The following RAB38 variants were observed in gnomAD, a reference collection of about 807,000 sequenced individuals.
The protein encoded by RAB38 is RAB38, member RAS oncogene family, also known as ras-related protein Rab-38.
RAB38 carries 15 observed loss-of-function variants against 18.4 expected under a neutral mutation model. That is an observed-to-expected ratio of 0.82 (90% CI 0.55 to 1.26). The LOEUF (loss-of-function observed/expected upper bound fraction) is 1.26, where lower values mean the gene tolerates loss of function less well. RAB38 is among the 50% of genes most tolerant of loss of function. The pLI, the probability that RAB38 is intolerant of heterozygous loss-of-function variation, is 0.00. For missense variants in RAB38, 294 were observed against 267.4 expected (o/e 1.10, Z -0.69); for synonymous variants, 101 against 104.4 (o/e 0.97, Z 0.20).
the RAB38 span, among the ~76,000 whole-genome samples, chr11:87,882,499 T>G: frequency 1.3e-5 from 2 of 151,910 alleles, no homozygotes; most frequent in East Asian, 2.0e-4. Context: ...AGAACCACTC[T>G]AGTAGGTAAT....
At chr11:87,857,648 T>C in the RAB38 span, among the ~76,000 whole-genome samples, 4 of 152,142 alleles carry the variant, frequency 2.6e-5, no homozygotes, top group African/African-American at 9.6e-5. Context: ...GTCTTTTGGC[T>C]GCATAAATGT....
chr11:88,026,931 A>G, the RAB38 span, among the ~76,000 whole-genome samples: 2 of 152,184 alleles, frequency 1.3e-5, no homozygotes, highest in African/African-American at 4.8e-5. Context: ...GACATTTTAC[A>G]TAATTGGCCT....
At chr11:87,948,851 T>A in the RAB38 span, among the ~76,000 whole-genome samples, 4 of 151,890 alleles carry the variant, frequency 2.6e-5, no homozygotes, top group African/African-American at 9.7e-5. Flanking sequence ...TCTAAAATTC[T>A]TTTTTTGTTG....
At chr11:88,064,911 G>A in the RAB38 span, among the ~76,000 whole-genome samples, 1 of 152,074 alleles carries the variant, frequency 6.6e-6, no homozygotes, top group African/African-American at 2.4e-5. Context: ...TGGTCACATG[G>A]TGCTTACAAT....
At chr11:88,083,534 CGAT>C in the RAB38 span, among the ~76,000 whole-genome samples, 2 of 151,666 alleles carry the variant, frequency 1.3e-5, no homozygotes, top group East Asian at 3.9e-4. Context: ...TTATTTCTCC[CGAT>C]GATAATATAA....
the RAB38 span, among the ~76,000 whole-genome samples, chr11:87,828,252 C>T: frequency 0.059 from 8,944 of 151,968 alleles, 366 homozygotes; most frequent in Non-Finnish European, 0.084. Context: ...AAAACTATTG[C>T]GTTATGTTTA....
chr11:87,945,665 G>A, the RAB38 span, among the ~76,000 whole-genome samples: 3 of 152,130 alleles, frequency 2.0e-5, no homozygotes, highest in African/African-American at 7.2e-5. Flanking sequence ...AGCTTAAAAT[G>A]CCTTGGAAAT....
At chr11:87,947,740 G>A in the RAB38 span, among the ~76,000 whole-genome samples, 6 of 152,228 alleles carry the variant, frequency 3.9e-5, no homozygotes, top group East Asian at 3.9e-4. Context: ...TGTTCCATTG[G>A]TCTATATCTC....
the RAB38 span, among the ~76,000 whole-genome samples, chr11:87,910,407 CT>C: frequency 0.078 from 11,785 of 151,406 alleles, 1,125 homozygotes; most frequent in African/African-American, 0.23. Context: ...CCTAGTCTGC[CT>C]TTTTTTTCAT....
the RAB38 span, among the ~76,000 whole-genome samples, chr11:87,963,514 G>A: frequency 6.6e-6 from 1 of 151,970 alleles, no homozygotes; most frequent in Admixed American, 6.6e-5. Flanking sequence ...ACACTCAAAA[G>A]TCTATGCAAC....
At chr11:88,102,232 T>C in the RAB38 span, among the ~76,000 whole-genome samples, 2 of 151,962 alleles carry the variant, frequency 1.3e-5, no homozygotes, top group Non-Finnish European at 2.9e-5. Context: ...TCCAATACCA[T>C]AGCTTCAATA....
chr11:88,167,697 T>C (rs1943261620), intron 1 of RAB38: 1 of 152,148 alleles, frequency 6.6e-6, no homozygotes, highest in Non-Finnish European at 1.5e-5. Context: ...CAAAGAGTAA[T>C]TTAAGATCAC....
chr11:88,026,011 C>T, the RAB38 span, among the ~76,000 whole-genome samples: 1 of 152,038 alleles, frequency 6.6e-6, no homozygotes, highest in Non-Finnish European at 1.5e-5. Context: ...TGTCGCCAGG[C>T]TGGAGTGCAA....
At chr11:88,114,689 G>A (rs973681213) in intron 2 of RAB38, among the ~76,000 whole-genome samples, 2 of 152,188 alleles carry the variant, frequency 1.3e-5, no homozygotes, top group African/African-American at 4.8e-5. Context: ...AATGTGAGAA[G>A]TAATGTGTGT....
At chr11:88,166,019 G>A (rs1216442987) in intron 1 of RAB38, 1 of 152,070 alleles carries the variant, frequency 6.6e-6, no homozygotes, top group Non-Finnish European at 1.5e-5. Context: ...TAGAGGAGCT[G>A]CCTTTTCAGA....
the RAB38 span, among the ~76,000 whole-genome samples, chr11:88,040,703 A>AAACAACAACAACAAC: frequency 6.7e-6 from 1 of 149,038 alleles, no homozygotes; most frequent in Non-Finnish European, 1.5e-5. Context: ...ACCCTGTCTC[A>AAACAACAACAACAAC]AACAACAACA....
chr11:88,062,484 A>G, the RAB38 span, among the ~76,000 whole-genome samples: 1 of 152,226 alleles, frequency 6.6e-6, no homozygotes, highest in South Asian at 2.1e-4. Context: ...ACGGACTAAT[A>G]CAAATACTGT....
chr11:87,968,262 G>C, the RAB38 span, among the ~76,000 whole-genome samples: 1 of 152,162 alleles, frequency 6.6e-6, no homozygotes, highest in Non-Finnish European at 1.5e-5. Flanking sequence ...CAGTAAGGGA[G>C]TAAAATCTGG....
chr11:88,072,894 G>T, the RAB38 span, among the ~76,000 whole-genome samples: 2 of 152,108 alleles, frequency 1.3e-5, no homozygotes, highest in African/African-American at 2.4e-5. Flanking sequence ...CAGCACTAAG[G>T]TTATAGTCAG....
Sources: allele counts gnomAD v4.1 joint callset (sites outside exome capture counted in the v4.1 genomes callset), GRCh38; gene constraint gnomAD v4.1.1; transcripts MANE v1.5; gene names NCBI Gene and HGNC (gene_info 2026-07-23, HGNC 2026-07-21).